NUP37: variants seen among roughly 807,000 people sequenced by gnomAD.
NUP37 encodes nucleoporin 37.
A neutral mutation model predicts 45.4 loss-of-function variants in NUP37; 33 were observed. That is an observed-to-expected ratio of 0.73 (90% confidence interval 0.55 to 0.97). NUP37 has a LOEUF of 0.97. Ranked by LOEUF, NUP37 falls within the 50% of genes least tolerant of loss-of-function variation. The pLI, the probability that NUP37 is intolerant of heterozygous loss-of-function variation, is 0.00. For synonymous variants in NUP37, 127 were observed against 130.7 expected, an observed-to-expected ratio of 0.97 and a Z score of 0.19; for missense variants, 365 against 389.7, an observed-to-expected ratio of 0.94 and a Z score of 0.53.
chr12:102,075,917 C>T (rs1170806812), intron 8 of NUP37, among the ~76,000 whole-genome samples: 3 of 151,422 alleles, frequency 2.0e-5, no homozygotes, highest in African/African-American at 7.3e-5. Context: ...AAATGGAGTA[C>T]TTCTCTTATG....
intron 5 of NUP37, among the ~76,000 whole-genome samples, chr12:102,090,574 G>A (rs752413170): frequency 2.0e-5 from 3 of 151,992 alleles, no homozygotes; most frequent in Non-Finnish European, 2.9e-5. Flanking sequence ...CTAAGTCAAT[G>A]CCAACTAACT....
At chr12:102,081,486 A>G (rs1226743085) in intron 6 of NUP37, among the ~76,000 whole-genome samples, 1 of 152,172 alleles carries the variant, frequency 6.6e-6, no homozygotes, top group Non-Finnish European at 1.5e-5. Flanking sequence ...GGCACAGAAC[A>G]TTGTCGTATT....
At chr12:102,081,358 G>A (rs1879328196) in intron 6 of NUP37, among the ~76,000 whole-genome samples, 1 of 152,206 alleles carries the variant, frequency 6.6e-6, no homozygotes, top group African/African-American at 2.4e-5. Context: ...GAAAAGTTAA[G>A]TAAGTTTGGG....
At position 102,073,772 on chromosome 12, in the gene NUP37, C is replaced by T. The variant is rs1348645394; in HGVS notation, c.*582G>A. 6.6e-6 allele frequency: 1 copy of T among 152,076 alleles called. No homozygotes were observed. The highest frequency in any genetic ancestry group is 1.5e-5 in the Non-Finnish European group (1 of 68,018). 9.4% of individuals were successfully genotyped at this position (152,076 alleles called of 1,614,324 possible). Reference sequence around the variant, plus strand: ...CGATCTTGGCTCACTGTAACCTCTGCCTTCCAGGTTCAAGTGATTCTCCTG... The same window carrying T: ...CGATCTTGGCTCACTGTAACCTCTGTCTTCCAGGTTCAAGTGATTCTCCTG... On this transcript the variant is annotated 3_prime_UTR_variant, in exon 10 of 10. Coordinates refer to ENST00000552283, the MANE Select transcript of NUP37 (RefSeq NM_024057.4).
chr12:102,088,736 A>T (rs2136724418), intron 5 of NUP37, among the ~76,000 whole-genome samples: 1 of 144,868 alleles, frequency 6.9e-6, no homozygotes, highest in Admixed American at 6.8e-5. Context: ...TATTTATTGA[A>T]CATTCTTGGG....
At chr12:102,113,252 G>C (rs1262753089) in intron 2 of NUP37, among the ~76,000 whole-genome samples, 1 of 152,208 alleles carries the variant, frequency 6.6e-6, no homozygotes, top group African/African-American at 2.4e-5. Flanking sequence ...GCACAAGGAA[G>C]GATGCCAGAT....
intron 3 of NUP37, among the ~76,000 whole-genome samples, chr12:102,107,607 A>AGT (rs1880190589): frequency 1.3e-5 from 2 of 152,260 alleles, no homozygotes; most frequent in Non-Finnish European, 2.9e-5. Flanking sequence ...CATAACCCCA[A>AGT]ACTGCAAATA....
At chr12:102,100,834 C>T (rs1187211479) in intron 4 of NUP37, among the ~76,000 whole-genome samples, 198 bp downstream of exon 4, 2 of 152,070 alleles carry the variant, frequency 1.3e-5, no homozygotes, top group Admixed American at 1.3e-4. Context: ...TTATAATCTG[C>T]AGTCATTAAG....
intron 5 of NUP37, among the ~76,000 whole-genome samples, chr12:102,090,236 CTT>C (rs911783018): frequency 2.1e-5 from 3 of 145,116 alleles, no homozygotes; most frequent in Non-Finnish European, 1.5e-5. Flanking sequence ...TTTCTCAACT[CTT>C]TTTTTTTTTG....
chr12:102,075,136 G>A (rs377163126), intron 8 of NUP37, 42 bp from the exon 9 acceptor site: 37 of 1,255,136 alleles, frequency 2.9e-5, no homozygotes, highest in East Asian at 1.4e-4. Flanking sequence ...CGTATCCTAT[G>A]GATAATGACA....
At chr12:102,115,216 T>C (rs1417487325) in intron 2 of NUP37, among the ~76,000 whole-genome samples, 1 of 152,224 alleles carries the variant, frequency 6.6e-6, no homozygotes, top group Non-Finnish European at 1.5e-5. Flanking sequence ...CAGAGTATTA[T>C]TATTATATTA....
chr12:102,110,081 A>T (rs976945669), intron 3 of NUP37, among the ~76,000 whole-genome samples: 2 of 152,228 alleles, frequency 1.3e-5, no homozygotes, highest in South Asian at 4.1e-4. Context: ...AAAACATGCA[A>T]CATCTTCACA....
At chr12:102,110,263 G>A (rs11111165) in intron 3 of NUP37, among the ~76,000 whole-genome samples, 22,973 of 152,126 alleles carry the variant, frequency 0.15, 1,833 homozygotes, top group Non-Finnish European at 0.18. Flanking sequence ...ACTTTGGGAG[G>A]TCAAGGTAGG....
chr12:102,076,063 C>T (rs1879158286), intron 8 of NUP37, among the ~76,000 whole-genome samples: 1 of 152,146 alleles, frequency 6.6e-6, no homozygotes, highest in African/African-American at 2.4e-5. Flanking sequence ...AGCCCTGAGA[C>T]TACCTCCTCT....
rs773100014 is a variant in NUP37 at position 102,112,113 on chromosome 12, T to C, written c.276A>G (p.Val92=). Residue 92 remains valine, a synonymous_variant, in exon 3 of 10, where the codon GTA becomes GTG. Transcript: ENST00000552283. The part of the protein sequence containing the change: ...PETRLDSLPP[V]IKFCTSAADM... ...TTTGGTACTGTTAAACTTACTTGAT[T>C]ACTGGAGGCAATGAATCAAGTCTAG... The C allele has an allele frequency of 6.2e-7, 1 of 1,613,600 alleles. No homozygotes were observed. The highest frequency in any genetic ancestry group is 1.1e-5 in the South Asian group (1 of 91,012).
At chr12:102,116,329 T>C (rs1471769001) in intron 2 of NUP37, among the ~76,000 whole-genome samples, 1 of 152,256 alleles carries the variant, frequency 6.6e-6, no homozygotes, top group Non-Finnish European at 1.5e-5. Flanking sequence ...TTAAAAGTAA[T>C]GAAGTAAAAA....
intron 3 of NUP37, among the ~76,000 whole-genome samples, chr12:102,110,030 T>C (rs972688301): frequency 6.6e-6 from 1 of 152,038 alleles, no homozygotes; most frequent in African/African-American, 2.4e-5. Context: ...GTGTAGATTA[T>C]TCAATTAAGT....
chr12:102,074,480 T>C lies in NUP37; in HGVS notation c.868-13A>G. On this transcript the variant is annotated splice_polypyrimidine_tract_variant and intron_variant, in intron 9 of 9. Transcript: ENST00000552283. ...CCATGAGGATGGGCTATAAAATATG[T>C]GAAGAATTAAAGAAGCACAGTAAGT... The C allele has an allele frequency of 2.0e-6, 3 of 1,527,154 alleles. No individual in the cohort carries two copies. The highest frequency in any genetic ancestry group is 2.7e-6 in the Non-Finnish European group (3 of 1,117,470). 94.6% of individuals were successfully genotyped at this position (1,527,154 alleles called of 1,614,324 possible).
intron 6 of NUP37, among the ~76,000 whole-genome samples, chr12:102,079,372 A>G (rs2136713373): frequency 6.6e-6 from 1 of 152,296 alleles, no homozygotes; most frequent in East Asian, 1.9e-4. Flanking sequence ...CATCTATGTT[A>G]TACACACACA....
Sources: gnomAD v4.1 joint callset for allele counts (sites outside exome capture counted in the v4.1 genomes callset) on GRCh38, gnomAD v4.1.1 for gene constraint, MANE v1.5 for transcripts, NCBI Gene and HGNC (gene_info 2026-07-23, HGNC 2026-07-21) for gene names.